Variants in ZGPAT observed in about 807,000 individuals in gnomAD.
The protein encoded by ZGPAT is zinc finger CCCH-type and G-patch domain containing, also known as zinc finger CCCH-type with G patch domain-containing protein.
ZGPAT carries 39 observed loss-of-function variants against 47.9 expected under a neutral mutation model. The ratio of observed to expected loss-of-function variants is 0.81; its 90% CI spans 0.63 to 1.06. ZGPAT has a LOEUF of 1.06. Among genes scored for constraint, ZGPAT ranks in the 50% least tolerant of loss-of-function variants. The pLI is 0.00. For synonymous variants in ZGPAT, 348 were observed against 292.9 expected (o/e 1.19, Z -1.92); for missense variants, 717 against 681.4 (o/e 1.05, Z -0.58).
intron 2 of ZGPAT, among the ~76,000 whole-genome samples, chr20:63,714,513 T>G (rs1483519010): frequency 6.6e-6 from 1 of 152,080 alleles, no homozygotes; most frequent in Non-Finnish European, 1.5e-5. Flanking sequence ...TTCCTGATAT[T>G]AGGTGGAAAA....
intron 4 of ZGPAT, chr20:63,734,113 G>GGCAGACAGAGGTTGTGT (rs2091950880): frequency 3.4e-6 from 1 of 296,292 alleles, no homozygotes; most frequent in Non-Finnish European, 6.4e-6. Flanking sequence ...CTGGGATCCT[G>GGCAGACAGAGGTTGTGT]GCAGACAGAG....
At chr20:63,732,380 G>A (rs1279533327) in intron 2 of ZGPAT, among the ~76,000 whole-genome samples, 5 of 149,336 alleles carry the variant, frequency 3.3e-5, no homozygotes, top group South Asian at 2.1e-4. Context: ...GTGTGTGCGC[G>A]CATGTGTGTG....
intron 2 of ZGPAT, among the ~76,000 whole-genome samples, chr20:63,717,929 G>C (rs915772789): frequency 2.0e-5 from 3 of 152,106 alleles, no homozygotes; most frequent in African/African-American, 4.8e-5. Context: ...TGTAATCCCA[G>C]CTACTCAGGA....
In ZGPAT at chr20:63,735,211, G is replaced by T; in HGVS notation, c.1044G>T (p.Leu348Phe). 7.0e-6 allele frequency: 11 copies of T among 1,562,834 alleles called. No homozygotes were observed. The highest frequency in any genetic ancestry group is 9.5e-6 in the Non-Finnish European group (11 of 1,154,424). ...TGGAGCCCATCCATGCTGTGGTGTT[G>T]CCTCGAGGGAAGTCGCTGGACCAGT... Reference protein sequence around the residue: ...GRVEPIHAVVLPRGKSLDQCV... With the variant: ...GRVEPIHAVVFPRGKSLDQCV... Residue 348 changes from leucine to phenylalanine, a missense_variant, in exon 6 of 7, where the codon TTG becomes TTT. Transcript: ENST00000355969.
chr20:63,717,302 G>C (rs939781300), intron 2 of ZGPAT, among the ~76,000 whole-genome samples: 1 of 120,324 alleles, frequency 8.3e-6, no homozygotes, highest in Non-Finnish European at 1.8e-5. Context: ...ATACAGTTAA[G>C]TTATTGATTT....
chr20:63,725,441 T>A (rs1266863995), intron 2 of ZGPAT, among the ~76,000 whole-genome samples: 3 of 152,262 alleles, frequency 2.0e-5, no homozygotes, highest in Non-Finnish European at 2.9e-5. Flanking sequence ...TGCTACCTTC[T>A]GGGTTCCATT....
At chr20:63,731,914 G>A (rs2091908428) in intron 2 of ZGPAT, among the ~76,000 whole-genome samples, 1 of 152,232 alleles carries the variant, frequency 6.6e-6, no homozygotes, top group Non-Finnish European at 1.5e-5. Flanking sequence ...ATGATTTAAA[G>A]TACGTGGGAA....
intron 1 of ZGPAT, 140 bp from the exon 2 acceptor site, chr20:63,708,413 G>A (rs753561866): frequency 3.4e-6 from 2 of 587,088 alleles, no homozygotes; most frequent in South Asian, 2.5e-5. Flanking sequence ...GGGTACCCGG[G>A]CTGCGACCTC....
At chr20:63,709,385 C>A (rs559962073) in intron 2 of ZGPAT, among the ~76,000 whole-genome samples, 4 of 152,138 alleles carry the variant, frequency 2.6e-5, no homozygotes, top group Non-Finnish European at 5.9e-5. Flanking sequence ...CGCCTGTAAT[C>A]CCAGCACTTT....
Position 63,735,271 on chromosome 20 carries a change from C to A in ZGPAT, c.1104C>A (p.Gly368=). Residue 368 remains glycine, a synonymous_variant, in exon 6 of 7, where the codon GGC becomes GGA. Transcript: ENST00000355969. ...VETLQKQTRV[G]KAGTNKPPRC... is the part of the protein sequence containing the mutation. ...CCCTGCAGAAGCAGACCAGGGTTGG[C>A]AAGGCTGGCACCAACAAGCCCCCCA... 1.9e-6 allele frequency: 3 copies of A among 1,606,606 alleles called. No individual in the cohort carries two copies. The highest frequency in any genetic ancestry group is 2.5e-6 in the Non-Finnish European group (3 of 1,176,584).
rs538985044 is a variant in ZGPAT, at chr20:63,734,891, A to G, written c.991+67A>G. 8.5e-4 allele frequency: 1,276 copies of G among 1,498,202 alleles called. 3 individuals carry two copies. Among genetic ancestry groups the G allele is most frequent in the Middle Eastern group, 1.8e-3 (10 of 5,498 alleles). 92.8% of individuals were successfully genotyped at this position (1,498,202 alleles called of 1,614,324 possible). ...GCATAGCCCAGGTCCAGCAGCCATC[A>G]GGTTCCCGGGGTCCCGCAGCCATCG... On this transcript the variant is annotated intron_variant, in intron 5 of 6. Transcript: ENST00000355969.
chr20:63,731,508 GGT>G (rs752561558), intron 2 of ZGPAT, among the ~76,000 whole-genome samples: 26 of 94,648 alleles, frequency 2.7e-4, no homozygotes, highest in East Asian at 9.8e-4. Flanking sequence ...ATTGGCCCTT[GGT>G]GTGTGTGTGA....
intron 1 of ZGPAT, 152 bp downstream of exon 1, chr20:63,708,270 C>A: frequency 5.9e-6 from 1 of 169,106 alleles, no homozygotes; most frequent in Non-Finnish European, 1.2e-5. Context: ...TGGAAGGCGG[C>A]GGGCGCGGCG....
chr20:63,732,551 A>G (rs1456719893), intron 2 of ZGPAT, among the ~76,000 whole-genome samples: 1 of 151,784 alleles, frequency 6.6e-6, no homozygotes, highest in Non-Finnish European at 1.5e-5. Context: ...ATATCCATGT[A>G]TGACTGCATC....
intron 1 of ZGPAT, 98 bp from the exon 2 acceptor site, chr20:63,708,455 C>T (rs1227352453): frequency 5.9e-6 from 5 of 845,050 alleles, no homozygotes; most frequent in Non-Finnish European, 7.2e-6. Flanking sequence ...GAGCCGGTGT[C>T]TCCCCGAGGG....
In ZGPAT at chr20:63,733,219, G is replaced by C; in HGVS notation, c.585G>C (p.Arg195Ser). 6.2e-7 allele frequency: 1 copy of C among 1,613,108 alleles called. No homozygotes were observed. Among genetic ancestry groups the C allele is most frequent in the Non-Finnish European group, 8.5e-7 (1 of 1,179,398 alleles). ...CTGCCCCTTACGGCTCTGTCTGCAG[G>C]TTCTCCCATGGGCAGGTGGTCTCTC... Reference protein sequence around the residue: ...EGKCRFKENCRFSHGQVVSLD... With the variant: ...EGKCRFKENCSFSHGQVVSLD... Residue 195 changes from arginine (R) to serine (S), a missense_variant and splice_region_variant, in exon 3 of 7, where the codon AGG becomes AGC. Transcript: ENST00000355969.
At chr20:63,712,084 A>G (rs1568785559) in intron 2 of ZGPAT, among the ~76,000 whole-genome samples, 2 of 152,202 alleles carry the variant, frequency 1.3e-5, no homozygotes, top group African/African-American at 4.8e-5. Flanking sequence ...CACCTCATCC[A>G]TAGTTATGAG....
chr20:63,708,973 G>T lies in ZGPAT; in HGVS notation c.393G>T (p.Gly131=). 6.2e-7 allele frequency: 1 copy of T among 1,613,522 alleles called. No homozygotes were observed. Among genetic ancestry groups the T allele is most frequent in the Non-Finnish European group, 8.5e-7 (1 of 1,180,010 alleles). ...EEGEDEEELS[G]TKVSAPYYSS... Reference sequence around the variant, plus strand: ...GAGAGGACGAGGAAGAGCTGAGTGGGACAAAGGTGAGCGCGCCCTACTACA... The same window carrying T: ...GAGAGGACGAGGAAGAGCTGAGTGGTACAAAGGTGAGCGCGCCCTACTACA... The change falls in exon 2 of 7, where the codon GGG becomes GGT. Residue 131 remains glycine, a synonymous_variant. Coordinates refer to ENST00000355969, the MANE Select transcript of ZGPAT (RefSeq NM_181485.3).
intron 2 of ZGPAT, among the ~76,000 whole-genome samples, chr20:63,720,979 A>T (rs555331837): frequency 3.3e-5 from 5 of 152,248 alleles, no homozygotes; most frequent in Non-Finnish European, 5.9e-5. Flanking sequence ...ATATTCTGTC[A>T]GGGGTGCTTG....
Sources: allele counts gnomAD v4.1 joint callset (sites outside exome capture counted in the v4.1 genomes callset), GRCh38; gene constraint gnomAD v4.1.1; transcripts MANE v1.5; gene names NCBI Gene and HGNC (gene_info 2026-07-23, HGNC 2026-07-21).